PLD5: variants seen among roughly 807,000 people sequenced by gnomAD.
PLD5 encodes the protein phospholipase D family member 5.
PLD5 carries 36 observed loss-of-function variants against 61.1 expected under a neutral mutation model. The observed-to-expected ratio is 0.59, with a 90% confidence interval of 0.45 to 0.78. The LOEUF is 0.78. Among genes scored for constraint, PLD5 ranks in the 30% least tolerant of loss-of-function variants. PLD5 has a pLI of 0.00. For synonymous variants in PLD5, 243 were observed against 242.8 expected, an observed-to-expected ratio of 1.00 and a Z score of -0.01; for missense variants, 515 against 644.4, an observed-to-expected ratio of 0.80 and a Z score of 2.17.
intron 2 of PLD5, among the ~76,000 whole-genome samples, chr1:242,307,267 T>C (rs540007346): frequency 1.2e-4 from 19 of 152,294 alleles, no homozygotes; most frequent in Admixed American, 1.2e-3. Flanking sequence ...GTCAAAATCA[T>C]GAACACTAGA....
intron 2 of PLD5, among the ~76,000 whole-genome samples, chr1:242,339,930 C>G (rs1659738531): frequency 6.6e-6 from 1 of 152,138 alleles, no homozygotes; most frequent in Admixed American, 6.5e-5. Context: ...AGAAATGGAT[C>G]AAATGACTCA....
intron 6 of PLD5, among the ~76,000 whole-genome samples, chr1:242,122,144 C>T (rs76038501): frequency 0.017 from 2,548 of 152,268 alleles, 74 homozygotes; most frequent in African/African-American, 0.058. Context: ...AGAAATGTCT[C>T]ACAGCTCTTT....
intron 5 of PLD5, among the ~76,000 whole-genome samples, chr1:242,145,160 A>T (rs986326320): frequency 1.3e-5 from 2 of 152,118 alleles, no homozygotes; most frequent in African/African-American, 4.8e-5. Flanking sequence ...CAGGATCCAC[A>T]CCCTCAGCCG....
chr1:242,382,578 G>A (rs4658813), intron 1 of PLD5, among the ~76,000 whole-genome samples: 70,156 of 151,474 alleles, frequency 0.46, 16,489 homozygotes, highest in East Asian at 0.7. Context: ...TGCCTAACAG[G>A]CTTGGCTTCA....
intron 1 of PLD5, among the ~76,000 whole-genome samples, chr1:242,476,978 G>A (rs1218368471): frequency 6.6e-6 from 1 of 152,196 alleles, no homozygotes; most frequent in African/African-American, 2.4e-5. Context: ...GGCCAGACAT[G>A]GTGGCTCACG....
At chr1:242,123,242 A>C (rs1198149018) in intron 6 of PLD5, among the ~76,000 whole-genome samples, 1 of 152,226 alleles carries the variant, frequency 6.6e-6, no homozygotes, top group Non-Finnish European at 1.5e-5. Context: ...AAGGAGAGTT[A>C]AGTTGCTATG....
intron 2 of PLD5, among the ~76,000 whole-genome samples, chr1:242,288,746 T>C (rs1487540898): frequency 1.3e-5 from 2 of 152,250 alleles, no homozygotes; most frequent in Non-Finnish European, 2.9e-5. Flanking sequence ...TATTTTTCCA[T>C]AGTTAGCACT....
intron 1 of PLD5, among the ~76,000 whole-genome samples, chr1:242,488,266 T>A (rs575461451): frequency 6.6e-6 from 1 of 152,234 alleles, no homozygotes; most frequent in Non-Finnish European, 1.5e-5. Context: ...AAAATGTGCA[T>A]ACTGATGTTA....
intron 1 of PLD5, among the ~76,000 whole-genome samples, chr1:242,456,730 A>G (rs549453202): frequency 6.6e-6 from 1 of 152,268 alleles, no homozygotes; most frequent in African/African-American, 2.4e-5. Flanking sequence ...ATTAAAATCT[A>G]GTTTTCTGAT....
At chr1:242,444,971 C>A (rs916205279) in intron 1 of PLD5, among the ~76,000 whole-genome samples, 2 of 152,002 alleles carry the variant, frequency 1.3e-5, no homozygotes, top group African/African-American at 2.4e-5. Context: ...AGACCCTCAG[C>A]TTTTCTCTTA....
chr1:242,153,671 G>A (rs1448934023), intron 5 of PLD5, among the ~76,000 whole-genome samples: 2 of 152,096 alleles, frequency 1.3e-5, no homozygotes, highest in Non-Finnish European at 2.9e-5. Context: ...GTAGATGTGT[G>A]GTATTATTTC....
At chr1:242,393,134 G>A (rs1190852612) in intron 1 of PLD5, among the ~76,000 whole-genome samples, 6 of 150,636 alleles carry the variant, frequency 4.0e-5, no homozygotes, top group African/African-American at 1.5e-4. Flanking sequence ...AACCCAGAAG[G>A]CGGAGGTTGC....
intron 5 of PLD5, among the ~76,000 whole-genome samples, chr1:242,214,509 C>G (rs567280638): frequency 4.6e-5 from 7 of 152,266 alleles, no homozygotes; most frequent in African/African-American, 1.7e-4. Context: ...ACTGCCTGGC[C>G]CATTGGCTTA....
chr1:242,190,473 G>T (rs1668193588), intron 5 of PLD5, among the ~76,000 whole-genome samples: 1 of 151,998 alleles, frequency 6.6e-6, no homozygotes, highest in Non-Finnish European at 1.5e-5. Context: ...TGGACGAGGT[G>T]CTCCTCAGGG....
chr1:242,206,640 ATGG>A (rs1669332869), intron 5 of PLD5, among the ~76,000 whole-genome samples: 1 of 152,190 alleles, frequency 6.6e-6, no homozygotes, highest in Non-Finnish European at 1.5e-5. Flanking sequence ...AGAAAAGAGA[ATGG>A]TATTAAGAAA....
At chr1:242,271,706 A>T (rs1435382637) in intron 3 of PLD5, among the ~76,000 whole-genome samples, 6 of 152,242 alleles carry the variant, frequency 3.9e-5, no homozygotes, top group African/African-American at 1.4e-4. Flanking sequence ...TATGGGGAAC[A>T]TATTCATATT....
chr1:242,488,519 A>C (rs553279584), intron 1 of PLD5, among the ~76,000 whole-genome samples: 133 of 152,310 alleles, frequency 8.7e-4, no homozygotes, highest in Non-Finnish European at 1.7e-3. Context: ...GATTCCAATG[A>C]CATTCTGGAA....
At chr1:242,511,411 G>A (rs1169585021) in intron 1 of PLD5, among the ~76,000 whole-genome samples, 1 of 152,126 alleles carries the variant, frequency 6.6e-6, no homozygotes, top group Non-Finnish European at 1.5e-5. Context: ...TGTAGAGAGG[G>A]AAAAATAGTA....
At chr1:242,392,618 G>A (rs1272389417) in intron 1 of PLD5, among the ~76,000 whole-genome samples, 1 of 152,168 alleles carries the variant, frequency 6.6e-6, no homozygotes, top group Admixed American at 6.5e-5. Flanking sequence ...GGACAAGGCT[G>A]ATGGGCTGGC....
Sources: gnomAD v4.1 joint callset for allele counts (sites outside exome capture counted in the v4.1 genomes callset) on GRCh38, gnomAD v4.1.1 for gene constraint, MANE v1.5 for transcripts, NCBI Gene and HGNC (gene_info 2026-07-23, HGNC 2026-07-21) for gene names.